The following TAX1BP1 variants were observed in gnomAD, a reference collection of about 807,000 sequenced individuals.
TAX1BP1 encodes tax1-binding protein 1.
TAX1BP1 carries 62 observed loss-of-function variants against 97.7 expected under a neutral mutation model. The observed-to-expected ratio is 0.63, with a 90% CI of 0.52 to 0.78. The LOEUF is 0.78. TAX1BP1 is among the 30% of genes least tolerant of loss of function. TAX1BP1 has a pLI of 0.00. For missense variants in TAX1BP1, 867 were observed against 916.1 expected (o/e 0.95, Z 0.69); for synonymous variants, 340 against 304.2 (o/e 1.12, Z -1.23).
intron 4 of TAX1BP1, among the ~76,000 whole-genome samples, chr7:27,768,578 A>G (rs1788728868): frequency 6.6e-6 from 1 of 151,988 alleles, no homozygotes. Context: ...TTTAATGCCA[A>G]ATTAATAATG....
Position 27,748,315 on chromosome 7 carries a change from A to G in TAX1BP1, c.-7-203A>G, listed in dbSNP as rs553969171. Among the ~76,000 whole-genome samples, 6 of 152,234 alleles carry G rather than the reference A, an allele frequency of 3.9e-5. No individual in the cohort carries two copies. In the East Asian group the frequency reaches 9.6e-4, roughly 24 times the overall value. On this transcript the variant is annotated intron_variant, in intron 1 of 16. Coordinates refer to ENST00000396319, the MANE Select transcript of TAX1BP1 (RefSeq NM_006024.7). ...ATGCCCATATAACTTTCTGAGCCAA[A>G]TGGGTTTTAGTTATTTTTCCAGTTT...
chr7:27,802,010 A>T (rs965144914), intron 13 of TAX1BP1, among the ~76,000 whole-genome samples: 18 of 152,244 alleles, frequency 1.2e-4, no homozygotes, highest in Admixed American at 9.2e-4. Context: ...GAAAGGAAGC[A>T]GCAGCATTCT....
rs746303018 is a variant in TAX1BP1 at position 27,769,802 on chromosome 7, G to A, written c.580G>A (p.Glu194Lys). ...GGAAAGAGAACTTAACCATGAGAAAGAAAGATGTGACCAACTGCAAGCAGA... is the reference window on the plus strand; with the variant it reads ...GGAAAGAGAACTTAACCATGAGAAAAAAAGATGTGACCAACTGCAAGCAGA... ...RMERELNHEKERCDQLQAEQK... is the reference protein window; with the variant it reads ...RMERELNHEKKRCDQLQAEQK... The change falls in exon 5 of 17, where the codon GAA becomes AAA. Residue 194 changes from glutamate (E) to lysine (K), a missense_variant. Around this residue, in one of 3 missense-constraint regions of TAX1BP1, gnomAD observed 822 missense variants for 851.4 expected, o/e 0.97. Transcript: ENST00000396319. The A allele has an allele frequency of 1.9e-6, 3 of 1,612,232 alleles. No individual in the cohort carries two copies. Among genetic ancestry groups the A allele is most frequent in the African/African-American group, 2.7e-5 (2 of 74,842 alleles).
intron 13 of TAX1BP1, chr7:27,803,218 G>GA: frequency 6.9e-7 from 1 of 1,453,844 alleles, no homozygotes; most frequent in Non-Finnish European, 9.2e-7. Context: ...TGTATCACAT[G>GA]AAACTGAATA....
At chr7:27,796,901 T>G (rs990945653) in intron 12 of TAX1BP1, among the ~76,000 whole-genome samples, 1 of 151,926 alleles carries the variant, frequency 6.6e-6, no homozygotes, top group Admixed American at 6.6e-5. Flanking sequence ...ATAGCAAAGA[T>G]TTTTACATCT....
intron 13 of TAX1BP1, among the ~76,000 whole-genome samples, chr7:27,807,953 G>A (rs1027728051): frequency 5.9e-5 from 9 of 152,002 alleles, no homozygotes; most frequent in African/African-American, 2.2e-4. Flanking sequence ...ACTAATAAGA[G>A]CCCCTGCATA....
chr7:27,824,113 T>C (rs963630508), intron 15 of TAX1BP1, among the ~76,000 whole-genome samples: 1 of 152,204 alleles, frequency 6.6e-6, no homozygotes, highest in Non-Finnish European at 1.5e-5. Context: ...AAGTCCTTGC[T>C]TTTAGTTCTT....
intron 1 of TAX1BP1, among the ~76,000 whole-genome samples, chr7:27,740,950 CTG>C (rs1159553090): frequency 6.6e-6 from 1 of 152,174 alleles, no homozygotes; most frequent in Non-Finnish European, 1.5e-5. Context: ...CTTAGGGAAT[CTG>C]TGGCTAGAGT....
At chr7:27,760,479 G>T (rs530095625) in intron 3 of TAX1BP1, among the ~76,000 whole-genome samples, 40 of 149,488 alleles carry the variant, frequency 2.7e-4, no homozygotes, top group African/African-American at 8.6e-4. Flanking sequence ...TGCAAGCTCC[G>T]CCTCCTTAGT....
chr7:27,827,913 T>A, intron 16 of TAX1BP1, 93 bp downstream of exon 16: 1 of 1,089,508 alleles, frequency 9.2e-7, no homozygotes, highest in Non-Finnish European at 1.4e-6. Flanking sequence ...TGCACATGTG[T>A]AGGGCCTGGC....
At chr7:27,764,330 C>T (rs1348837663) in intron 3 of TAX1BP1, among the ~76,000 whole-genome samples, 1 of 152,112 alleles carries the variant, frequency 6.6e-6, no homozygotes, top group Non-Finnish European at 1.5e-5. Flanking sequence ...TTGTGAAGTA[C>T]TGTTAGCATT....
At chr7:27,759,414 T>C (rs943898525) in intron 3 of TAX1BP1, among the ~76,000 whole-genome samples, 21 of 152,132 alleles carry the variant, frequency 1.4e-4, no homozygotes, top group Admixed American at 8.5e-4. Context: ...AAATCACAAA[T>C]ACTGATAGTA....
intron 5 of TAX1BP1, among the ~76,000 whole-genome samples, chr7:27,781,495 T>C (rs557145720): frequency 1.1e-3 from 161 of 152,224 alleles, no homozygotes; most frequent in African/African-American, 3.7e-3. Context: ...CATATCTAGA[T>C]ATCTTAGAAA....
Position 27,827,751 on chromosome 7 carries a change from T to A in TAX1BP1, c.2099T>A (p.Val700Glu). ...DSEDSKEDEN[V>E]PTAPDPPSQH... ...TTTTTCCCCTAGGAAGATGAGAATGTGCCTACTGCTCCTGATCCTCCAAGT... is the reference window on the plus strand; with the variant it reads ...TTTTTCCCCTAGGAAGATGAGAATGAGCCTACTGCTCCTGATCCTCCAAGT... Residue 700 changes from valine to glutamate, a missense_variant, in exon 16 of 17, where the codon GTG becomes GAG. Val to Glu is a moderately radical substitution (Grantham distance 121, BLOSUM62 -2). This residue lies in a region of TAX1BP1 where 822 missense variants were observed against 851.4 expected (regional missense o/e 0.97). Transcript: ENST00000396319. 6.2e-7 allele frequency: 1 copy of A among 1,613,578 alleles called. No homozygotes were observed. Among genetic ancestry groups the A allele is most frequent in the Non-Finnish European group, 8.5e-7 (1 of 1,179,696 alleles).
At chr7:27,782,023 A>G (rs1789277797) in intron 5 of TAX1BP1, among the ~76,000 whole-genome samples, 1 of 152,070 alleles carries the variant, frequency 6.6e-6, no homozygotes, top group Non-Finnish European at 1.5e-5. Context: ...GCCAGACTAT[A>G]CTAAATGTAT....
chr7:27,757,590 T>G (rs1788271077), intron 2 of TAX1BP1, among the ~76,000 whole-genome samples: 2 of 152,122 alleles, frequency 1.3e-5, no homozygotes, highest in Non-Finnish European at 2.9e-5. Flanking sequence ...TAAATATTAA[T>G]TTTCTTTAGT....
chr7:27,798,986 A>G (rs978514697), intron 12 of TAX1BP1, among the ~76,000 whole-genome samples: 2 of 150,466 alleles, frequency 1.3e-5, no homozygotes, highest in Non-Finnish European at 3.0e-5. Flanking sequence ...TTCCTTAATG[A>G]TGTTTTTAGA....
rs974127873 is a variant in TAX1BP1 at position 27,741,567 on chromosome 7, C to G, written c.-8+1298C>G. 2.7e-5 allele frequency among the ~76,000 whole-genome samples: 4 copies of G among 150,086 alleles called. No individual in the cohort carries two copies. The South Asian group carries it at 8.4e-4, about 31-fold the overall frequency. On this transcript the variant is annotated intron_variant, in intron 1 of 16. Transcript: ENST00000396319. ...CCAGGCTGGAGTGCAGTGGCGCGAT[C>G]GCGGCTCATTGCAACCTCCGCCTCC...
chr7:27,765,894 G>A lies in TAX1BP1; in HGVS notation c.326G>A (p.Gly109Asp). The stretch of plus-strand genomic sequence containing the variant: ...CAGTTCTGTTACGTTACCCATAAGG[G>A]TGAAATTCGTGGAGCAAGTACACCT... ...FYQFCYVTHK[G>D]EIRGASTPFQ... The change falls in exon 4 of 17, where the codon GGT becomes GAT. Residue 109 changes from glycine (G) to aspartate (D), a missense_variant. Physicochemically the swap from Gly to Asp is moderately conservative, Grantham distance 94. Around this residue, in one of 3 missense-constraint regions of TAX1BP1, gnomAD observed 822 missense variants for 851.4 expected, o/e 0.97. Transcript: ENST00000396319. 1.2e-6 allele frequency: 2 copies of A among 1,614,164 alleles called. No individual in the cohort carries two copies. Among genetic ancestry groups the A allele is most frequent in the African/African-American group, 1.3e-5 (1 of 75,034 alleles).
Sources: allele counts gnomAD v4.1 joint callset (sites outside exome capture counted in the v4.1 genomes callset), GRCh38; gene constraint gnomAD v4.1.1; regional missense constraint gnomAD v4.1.1; transcripts MANE v1.5; gene names NCBI Gene and HGNC (gene_info 2026-07-23, HGNC 2026-07-21).